Variants in LIPA observed in about 807,000 individuals in gnomAD.
LIPA encodes lysosomal acid lipase/cholesteryl ester hydrolase.
In LIPA, 26 loss-of-function variants were observed where a neutral mutation model predicts 40.6. That is an observed-to-expected ratio of 0.64 (90% CI 0.47 to 0.89). The LOEUF (loss-of-function observed/expected upper bound fraction) is 0.89. Among genes scored for constraint, LIPA ranks in the 40% least tolerant of loss-of-function variants. The pLI is 0.00. For missense variants in LIPA, 455 were observed against 479.6 expected (o/e 0.95, Z 0.48); for synonymous variants, 188 against 168.4 (o/e 1.12, Z -0.90).
intron 5 of LIPA, among the ~76,000 whole-genome samples, chr10:89,225,797 C>G (rs1345065391): frequency 6.6e-6 from 1 of 152,110 alleles, no homozygotes; most frequent in Non-Finnish European, 1.5e-5. Context: ...ATAATTGAAT[C>G]ACGGAGGCGG....
intron 2 of LIPA, chr10:89,403,474 T>C: frequency 6.2e-7 from 1 of 1,612,866 alleles, no homozygotes. Context: ...AATGCAATTA[T>C]CCATTATTTA....
intron 2 of LIPA, chr10:89,402,780 G>C (rs1306664364): frequency 1.2e-6 from 2 of 1,614,218 alleles, no homozygotes; most frequent in Non-Finnish European, 1.7e-6. Flanking sequence ...AAAGGTGCTT[G>C]AAGTGGACCC....
upstream of LIPA, among the ~76,000 whole-genome samples, chr10:89,345,885 T>C (rs1206365088): frequency 6.6e-6 from 1 of 152,186 alleles, no homozygotes; most frequent in Non-Finnish European, 1.5e-5. Flanking sequence ...AAGGCAATAG[T>C]TGAAGAGACA....
At chr10:89,239,157 A>G (rs1021168230) in intron 3 of LIPA, among the ~76,000 whole-genome samples, 1 of 152,182 alleles carries the variant, frequency 6.6e-6, no homozygotes, top group Non-Finnish European at 1.5e-5. Context: ...TGTAGTAGGC[A>G]CAAGCAGGAC....
At chr10:89,224,981 G>T in intron 6 of LIPA, 111 bp downstream of exon 6, 1 of 1,347,230 alleles carries the variant, frequency 7.4e-7, no homozygotes, top group Non-Finnish European at 1.1e-6. Context: ...CTGCTCCACT[G>T]ATATCAAAAC....
In LIPA at chr10:89,326,241, G is replaced by A. The variant is rs1350145850; in HGVS notation, c.-2+16370C>T. On this transcript the variant is annotated intron_variant, in intron 1 of 5. Transcript: ENST00000282673. ...AGAAAATGTGGTACATTTACACAAC[G>A]GAGTGCTCTTTAGCCATAAAAAGAA... Among the ~76,000 whole-genome samples, 6 of 152,158 alleles carry A rather than the reference G, an allele frequency of 3.9e-5. No individual in the cohort carries two copies. The South Asian group carries it at 1.0e-3, about 26-fold the overall frequency.
intron 2 of LIPA, 128 bp from the exon 3 acceptor site, chr10:89,245,921 G>C: frequency 1.4e-6 from 1 of 726,262 alleles, no homozygotes; most frequent in Non-Finnish European, 2.5e-6. Flanking sequence ...TGAAATTTTA[G>C]TCTGCTAAAT....
intron 2 of LIPA, among the ~76,000 whole-genome samples, chr10:89,356,055 T>C (rs995245984): frequency 2.0e-5 from 3 of 152,244 alleles, no homozygotes; most frequent in African/African-American, 7.2e-5. Flanking sequence ...TCCTTTACTT[T>C]CTTAATAAAC....
intron 1 of LIPA, among the ~76,000 whole-genome samples, chr10:89,413,779 A>C (rs993439995): frequency 6.7e-6 from 1 of 148,844 alleles, no homozygotes; most frequent in Non-Finnish European, 1.5e-5. Context: ...AAAAAAAAAA[A>C]AAACCAAAAT....
intron 2 of LIPA, chr10:89,392,466 T>TCCCCCCCCCCCCC (rs759696601): frequency 1.7e-5 from 5 of 287,688 alleles, no homozygotes; most frequent in Non-Finnish European, 2.3e-5. Flanking sequence ...AAAGTTTCAT[T>TCCCCCCCCCCCCC]CCCCACCCCC....
intron 2 of LIPA, among the ~76,000 whole-genome samples, chr10:89,411,721 G>C (rs1418301292): frequency 6.6e-6 from 1 of 152,200 alleles, no homozygotes; most frequent in Non-Finnish European, 1.5e-5. Flanking sequence ...GCTGAGAAAG[G>C]AGGACTGTGC....
chr10:89,290,152 C>T (rs898399982), intron 1 of LIPA, among the ~76,000 whole-genome samples: 6 of 152,160 alleles, frequency 3.9e-5, no homozygotes, highest in African/African-American at 1.4e-4. Flanking sequence ...CTTGGACCCC[C>T]TTGGACACTC....
At chr10:89,308,410 C>G (rs568004884) in intron 1 of LIPA, 3 of 151,866 alleles carry the variant, frequency 2.0e-5, no homozygotes, top group African/African-American at 4.8e-5. Flanking sequence ...AACGTGGGAA[C>G]CTGGTGACTA....
rs533309573 is a variant in LIPA at position 89,323,560 on chromosome 10, T to C, written c.-2+19051A>G. ...CCCCACGTCTCTACCCAAAAGCTCG[T>C]AGGTCTAATAAACAGCTTCAGCAAA... On this transcript the variant is annotated intron_variant, in intron 1 of 5. Coordinates refer to the LIPA transcript ENST00000282673. 1.6e-4 allele frequency among the ~76,000 whole-genome samples: 24 copies of C among 152,014 alleles called. 1 individual carries two copies. In the South Asian group the frequency reaches 5.0e-3, roughly 32 times the overall value.
rs1020331083 is a variant in LIPA, at chr10:89,393,411, A to G, written c.61+19380T>C. ...CGTATCTTCCTTACCTAAAGGGCCT[A>G]ATGTGGGAATTTCTCAGCTGATTTA... On this transcript the variant is annotated intron_variant, in intron 2 of 8. Coordinates refer to the LIPA transcript ENST00000371837. 8.0e-6 allele frequency: 6 copies of G among 746,534 alleles called. No homozygotes were observed. In the Admixed American group the frequency reaches 1.8e-4, roughly 23 times the overall value. 46.2% of individuals were successfully genotyped at this position (746,534 alleles called of 1,614,324 possible).
At chr10:89,245,195 GTA>G (rs1429161990) in intron 3 of LIPA, among the ~76,000 whole-genome samples, 16 of 152,190 alleles carry the variant, frequency 1.1e-4, no homozygotes, top group Middle Eastern at 3.4e-3. Context: ...ATCTGTGTGT[GTA>G]TTTGTTTCTA....
At chr10:89,299,374 T>C (rs908969624) in intron 1 of LIPA, among the ~76,000 whole-genome samples, 2 of 152,056 alleles carry the variant, frequency 1.3e-5, no homozygotes, top group African/African-American at 4.8e-5. Flanking sequence ...GGTGACCAAA[T>C]ATATGAATTA....
chr10:89,326,898 C>A (rs1292315832), intron 1 of LIPA, among the ~76,000 whole-genome samples: 1 of 152,148 alleles, frequency 6.6e-6, no homozygotes, highest in Non-Finnish European at 1.5e-5. Context: ...CTCAGGAGAT[C>A]CTGAGAACAT....
chr10:89,268,368 G>A (rs1421234568), intron 1 of LIPA, among the ~76,000 whole-genome samples: 2 of 152,190 alleles, frequency 1.3e-5, no homozygotes, highest in African/African-American at 2.4e-5. Context: ...ATAGTGCCTT[G>A]CACTCAATAG....
Sources: gnomAD v4.1 joint callset for allele counts (sites outside exome capture counted in the v4.1 genomes callset) on GRCh38, gnomAD v4.1.1 for gene constraint, MANE v1.5 for transcripts, NCBI Gene and HGNC (gene_info 2026-07-23, HGNC 2026-07-21) for gene names.